The following PLOD3 variants were observed in gnomAD, a reference collection of about 807,000 sequenced individuals.
PLOD3 encodes the protein multifunctional procollagen lysine hydroxylase and glycosyltransferase LH3.
PLOD3 carries 73 observed loss-of-function variants against 96.9 expected under a neutral mutation model. The ratio of observed to expected loss-of-function variants is 0.75; its 90% confidence interval spans 0.62 to 0.92. PLOD3 has a LOEUF of 0.92. Among genes scored for constraint, PLOD3 ranks in the 40% least tolerant of loss-of-function variants. PLOD3 has a pLI of 0.00. For missense variants in PLOD3, 1,004 were observed against 1,004.3 expected (o/e 1.00, Z 0.00); for synonymous variants, 454 against 413.7 (o/e 1.10, Z -1.18).
chr7:101,207,690 G>A lies in PLOD3; in HGVS notation c.1823C>T (p.Pro608Leu). ...CTGCTTCATGTGGATGTCCACGGTG[G>A]GCACATTCTCGTAGCCTCCAGCCAG... Reference protein sequence around the residue: ...SRLAGGYENVPTVDIHMKQVG... With the variant: ...SRLAGGYENVLTVDIHMKQVG... The change falls in exon 17 of 19, where the codon CCC becomes CTC. Residue 608 changes from proline (P) to leucine (L), a missense_variant. Coordinates refer to ENST00000223127, the MANE Select transcript of PLOD3 (RefSeq NM_001084.5). 1 of 1,613,952 alleles carries A rather than the reference G, an allele frequency of 6.2e-7. No individual in the cohort carries two copies. Among genetic ancestry groups the A allele is most frequent in the Non-Finnish European group, 8.5e-7 (1 of 1,179,954 alleles).
Position 101,215,989 on chromosome 7 carries a change from T to G in PLOD3, c.534A>C (p.Gln178His). ...GFIGFATTIH[Q>H]IVRQWKYKDD... Reference sequence around the variant, plus strand: ...CCTTGTACTTCCACTGGCGCACGATTTGGTGGATGGTGGTGGCAAAACCGA... The same window carrying G: ...CCTTGTACTTCCACTGGCGCACGATGTGGTGGATGGTGGTGGCAAAACCGA... Residue 178 changes from glutamine to histidine, a missense_variant, in exon 5 of 19, where the codon CAA (glutamine) becomes CAC (histidine). Transcript: ENST00000223127. The G allele has an allele frequency of 6.2e-7, 1 of 1,614,056 alleles. No homozygotes were observed. The highest frequency in any genetic ancestry group is 8.5e-7 in the Non-Finnish European group (1 of 1,179,972).
At chr7:101,209,552 G>GTTTTTTTTT in intron 15 of PLOD3, among the ~76,000 whole-genome samples, 2 of 110,336 alleles carry the variant, frequency 1.8e-5, no homozygotes, top group African/African-American at 3.4e-5. Context: ...TAATTTTTGT[G>GTTTTTTTTT]TTTTTTTTTT....
rs1381557170 is a variant in PLOD3 at position 101,216,695 on chromosome 7, C to G, written c.201G>C (p.Arg67=). 1 of 1,613,388 alleles carries G rather than the reference C, an allele frequency of 6.2e-7. No individual in the cohort carries two copies. Among genetic ancestry groups the G allele is most frequent in the Admixed American group, 1.7e-5 (1 of 60,004 alleles). The part of the protein sequence containing the change: ...RSAEFFNYTV[R]TLGLGEEWRG... ...CCCAGGGGCCTTTCCCTCTCCTCAC[C>G]CGCACAGTGTAGTTGAAGAACTCCG... The change falls in exon 2 of 19, where the codon CGG becomes CGC. Residue 67 remains arginine (R), a splice_region_variant and synonymous_variant. Transcript: ENST00000223127.
Position 101,217,173 on chromosome 7 carries a change from GA to G in PLOD3, c.101del (p.Val34AlafsTer8), listed in dbSNP as rs1316524300. ...GCCTCCCCGGGATCTCACCTGGGTTGACCGGGTCTCGGCCCCGGGGCCGGTC... is the reference window on the plus strand; with the variant it reads ...GCCTCCCCGGGATCTCACCTGGGTTGCCGGGTCTCGGCCCCGGGGCCGGTC... ...ASDRPRGRDP[V>X]NPEKLLVITV... On this transcript the variant is annotated frameshift_variant, in exon 1 of 19. Coordinates refer to ENST00000223127, the MANE Select transcript of PLOD3 (RefSeq NM_001084.5). LOFTEE classifies it high-confidence loss of function. 6.7e-7 allele frequency: 1 copy of G among 1,487,552 alleles called. No individual in the cohort carries two copies. The highest frequency in any genetic ancestry group is 8.9e-7 in the Non-Finnish European group (1 of 1,119,816). 92.1% of individuals were successfully genotyped at this position (1,487,552 alleles called of 1,614,324 possible).
chr7:101,206,475 C>T (rs375398525), intron 18 of PLOD3, 39 bp from the exon 19 acceptor site: 88 of 1,556,118 alleles, frequency 5.7e-5, no homozygotes, highest in African/African-American at 9.5e-5. Flanking sequence ...AGTGAGCAGA[C>T]GTGGGGCCTG....
chr7:101,213,845 C>T (rs1398578719), intron 6 of PLOD3, among the ~76,000 whole-genome samples: 6 of 151,956 alleles, frequency 3.9e-5, no homozygotes, highest in South Asian at 2.1e-4. Context: ...ATTACAGGCG[C>T]GCACCACCAT....
chr7:101,208,949 C>T lies in PLOD3; in HGVS notation c.1692G>A (p.Pro564=), dbSNP rs778335200. Residue 564 remains proline (P), a synonymous_variant, in exon 16 of 19, where the codon CCG becomes CCA. Coordinates refer to ENST00000223127, the MANE Select transcript of PLOD3 (RefSeq NM_001084.5). The part of the protein sequence containing the change: ...EGEGIVEQPC[P]DVYWFPLLSE... ...ACAGCAGTGGGAACCAGTACACGTC[C>T]GGGCATGGCTGAGGATGGGGCGAGG... The T allele has an allele frequency of 1.1e-5, 17 of 1,612,088 alleles. No individual in the cohort carries two copies. Among genetic ancestry groups the T allele is most frequent in the South Asian group, 2.2e-5 (2 of 91,054 alleles).
intron 16 of PLOD3, chr7:101,208,602 G>T (rs1798123512): frequency 2.1e-6 from 1 of 479,048 alleles, no homozygotes. Flanking sequence ...GCCCAGGCTG[G>T]CCTCAAACTC....
chr7:101,216,081 G>C (rs767294191), intron 4 of PLOD3, 61 bp from the exon 5 acceptor site: 2 of 1,605,694 alleles, frequency 1.2e-6, no homozygotes, highest in South Asian at 1.1e-5. Flanking sequence ...TGTCCCCCAG[G>C]CTGTCTCCAG....
chr7:101,209,460 C>T (rs1798145541), intron 15 of PLOD3, among the ~76,000 whole-genome samples: 1 of 151,980 alleles, frequency 6.6e-6, no homozygotes, highest in Non-Finnish European at 1.5e-5. Flanking sequence ...TCACTGCAAC[C>T]TCTGCCTCCC....
intron 5 of PLOD3, 47 bp downstream of exon 5, chr7:101,215,861 C>T (rs375539365): frequency 7.7e-7 from 1 of 1,295,654 alleles, no homozygotes; most frequent in Admixed American, 1.7e-5. Context: ...CTGAGGCCTC[C>T]ACTCCCACAG....
At chr7:101,217,000 T>G (rs1344823297) in intron 1 of PLOD3, among the ~76,000 whole-genome samples, 166 bp downstream of exon 1, 2 of 152,090 alleles carry the variant, frequency 1.3e-5, no homozygotes, top group African/African-American at 4.8e-5. Flanking sequence ...GAAACCCCAG[T>G]TCAGGGTAGT....
intron 1 of PLOD3, 78 bp downstream of exon 1, chr7:101,217,088 C>G: frequency 7.1e-7 from 1 of 1,407,582 alleles, no homozygotes; most frequent in Non-Finnish European, 9.3e-7. Flanking sequence ...CCTCGAGCCT[C>G]CGACCCTCTC....
intron 18 of PLOD3, among the ~76,000 whole-genome samples, 165 bp downstream of exon 18, chr7:101,206,614 G>A (rs1798089004): frequency 6.6e-6 from 1 of 152,162 alleles, no homozygotes; most frequent in Admixed American, 6.5e-5. Flanking sequence ...GGAAGATCCA[G>A]GAGGAAGCAG....
chr7:101,216,844 C>A, intron 1 of PLOD3, 58 bp from the exon 2 acceptor site: 1 of 1,133,590 alleles, frequency 8.8e-7, no homozygotes, highest in Non-Finnish European at 1.3e-6. Flanking sequence ...GCCTCACGTG[C>A]TTTGCTGTCC....
Position 101,210,203 on chromosome 7 carries a change from G to A in PLOD3, c.1615-42C>T, listed in dbSNP as rs774846929. Reference sequence around the variant, plus strand: ...GGCACATCAGATCTGTGCCCCCCTCGCTCCCAGCCCCCAGGGGACCGCCCC... The same window carrying A: ...GGCACATCAGATCTGTGCCCCCCTCACTCCCAGCCCCCAGGGGACCGCCCC... On this transcript the variant is annotated intron_variant, in intron 14 of 18. Coordinates refer to ENST00000223127, the MANE Select transcript of PLOD3 (RefSeq NM_001084.5). The A allele has an allele frequency of 1.0e-5, 16 of 1,525,400 alleles. No individual in the cohort carries two copies. Among genetic ancestry groups the A allele is most frequent in the Admixed American group, 9.2e-5 (5 of 54,490 alleles). The allele number at this position is 1,525,400 out of a possible 1,614,324, so 94.5% of individuals were successfully genotyped here.
rs762101725 is a variant in PLOD3 at position 101,211,729 on chromosome 7, G to T, written c.1233-13C>A. 3.7e-6 allele frequency: 6 copies of T among 1,600,648 alleles called. No individual in the cohort carries two copies. The highest frequency in any genetic ancestry group is 3.4e-5 in the South Asian group (3 of 89,178). ...GGCGATCACCTTCCTGCGGACAGGT[G>T]GGGGTGAGGGCTGGGCAGACGGGAG... On this transcript the variant is annotated splice_polypyrimidine_tract_variant and intron_variant, in intron 11 of 18. Transcript: ENST00000223127.
rs755690145 is a variant in PLOD3, at chr7:101,213,220, G to T, written c.680-16C>A. 32 of 1,569,448 alleles carry T rather than the reference G, an allele frequency of 2.0e-5. No individual in the cohort carries two copies. The highest frequency in any genetic ancestry group is 2.7e-5 in the African/African-American group (2 of 74,036). On this transcript the variant is annotated splice_polypyrimidine_tract_variant and intron_variant, in intron 6 of 18. Transcript: ENST00000223127. The stretch of plus-strand genomic sequence containing the variant: ...ACCACTTCATCTGGGGAAGAAAAAG[G>T]CCAGGCTTCAGACCCCCTTTCTCTG...
At position 101,215,980 on chromosome 7, in the gene PLOD3, G is replaced by A; in HGVS notation, c.543C>T (p.Arg181=). 6.2e-7 allele frequency: 1 copy of A among 1,614,076 alleles called. No homozygotes were observed. The highest frequency in any genetic ancestry group is 8.5e-7 in the Non-Finnish European group (1 of 1,179,986). The part of the protein sequence containing the change: ...GFATTIHQIV[R]QWKYKDDDDD... ...CGTCATCATCCTTGTACTTCCACTG[G>A]CGCACGATTTGGTGGATGGTGGTGG... The change falls in exon 5 of 19, where the codon CGC becomes CGT. Residue 181 remains arginine, a synonymous_variant. Coordinates refer to ENST00000223127, the MANE Select transcript of PLOD3 (RefSeq NM_001084.5).
Sources: gnomAD v4.1 joint callset for allele counts (sites outside exome capture counted in the v4.1 genomes callset) on GRCh38, gnomAD v4.1.1 for gene constraint, MANE v1.5 for transcripts, NCBI Gene and HGNC (gene_info 2026-07-23, HGNC 2026-07-21) for gene names.